The following SYT16 variants were observed in gnomAD, a reference collection of about 807,000 sequenced individuals.
SYT16 encodes synaptotagmin-16.
In SYT16, 42 loss-of-function variants were observed where a neutral mutation model predicts 61.4. The observed-to-expected ratio is 0.68, with a 90% CI of 0.53 to 0.89. The LOEUF is 0.89. Among genes scored for constraint, SYT16 ranks in the 40% least tolerant of loss-of-function variants. The pLI is 0.00. For synonymous variants in SYT16, 314 were observed against 302.3 expected (o/e 1.04, Z -0.40); for missense variants, 804 against 807.3 (o/e 1.00, Z 0.05).
At chr14:62,078,272 G>A (rs1391657231) in intron 5 of SYT16, among the ~76,000 whole-genome samples, 1 of 151,830 alleles carries the variant, frequency 6.6e-6, no homozygotes, top group Non-Finnish European at 1.5e-5. Context: ...TCAAAATAAG[G>A]TTTGAAATTT....
intron 5 of SYT16, among the ~76,000 whole-genome samples, chr14:62,078,639 A>G (rs2056599388): frequency 6.6e-6 from 1 of 152,190 alleles, no homozygotes; most frequent in Non-Finnish European, 1.5e-5. Flanking sequence ...ACACAGTTGA[A>G]TTGGCCACCA....
chr14:62,021,553 G>C (rs971330042), intron 3 of SYT16, among the ~76,000 whole-genome samples: 1 of 151,964 alleles, frequency 6.6e-6, no homozygotes, highest in African/African-American at 2.4e-5. Flanking sequence ...AAGCCAACAG[G>C]ATTTTCTGTC....
At chr14:62,016,139 A>C (rs1391727427) in intron 3 of SYT16, among the ~76,000 whole-genome samples, 1 of 152,178 alleles carries the variant, frequency 6.6e-6, no homozygotes, top group Non-Finnish European at 1.5e-5. Context: ...AGCATGCTCC[A>C]GGAACAAAAG....
chr14:61,981,308 A>G (rs1009280120), intron 2 of SYT16, among the ~76,000 whole-genome samples: 1 of 152,192 alleles, frequency 6.6e-6, no homozygotes, highest in African/African-American at 2.4e-5. Flanking sequence ...TCTGGGCACC[A>G]TGGCTTAGCC....
intron 3 of SYT16, among the ~76,000 whole-genome samples, chr14:62,011,774 T>C (rs1344663633): frequency 1.3e-5 from 2 of 151,684 alleles, no homozygotes; most frequent in Non-Finnish European, 2.9e-5. Flanking sequence ...CCTAGATTTG[T>C]TGTGTCACCA....
intron 1 of SYT16, among the ~76,000 whole-genome samples, chr14:61,898,527 G>A (rs1365729892): frequency 6.6e-6 from 1 of 152,196 alleles, no homozygotes; most frequent in Admixed American, 6.5e-5. Context: ...AAATCCCGGG[G>A]CCATGATAGT....
intron 2 of SYT16, among the ~76,000 whole-genome samples, chr14:61,982,098 T>G (rs564388952): frequency 6.6e-6 from 1 of 152,314 alleles, no homozygotes; most frequent in Non-Finnish European, 1.5e-5. Context: ...GCTCTGAGTC[T>G]TATTTTTAGT....
chr14:62,014,286 C>T (rs1376725269), intron 3 of SYT16, among the ~76,000 whole-genome samples: 1 of 152,122 alleles, frequency 6.6e-6, no homozygotes, highest in East Asian at 1.9e-4. Context: ...ATCCTGTTAT[C>T]AAAGTAAGAT....
chr14:62,086,591 A>G (rs1226738766), intron 7 of SYT16, among the ~76,000 whole-genome samples: 2 of 152,248 alleles, frequency 1.3e-5, no homozygotes, highest in African/African-American at 4.8e-5. Flanking sequence ...TGTATACTTT[A>G]TAAGTTTGCA....
chr14:62,026,933 G>A (rs1241191521), intron 3 of SYT16, among the ~76,000 whole-genome samples: 1 of 151,904 alleles, frequency 6.6e-6, no homozygotes, highest in African/African-American at 2.4e-5. Context: ...TTTTTTGCCT[G>A]CTTGATCTTT....
At chr14:61,821,736 T>C (rs941801861) in intron 1 of SYT16, among the ~76,000 whole-genome samples, 6 of 152,216 alleles carry the variant, frequency 3.9e-5, no homozygotes, top group Non-Finnish European at 4.4e-5. Context: ...TAGCAAGTCA[T>C]AGGTTCCTTC....
intron 1 of SYT16, among the ~76,000 whole-genome samples, chr14:61,960,546 A>G (rs189034430): frequency 2.0e-5 from 3 of 152,266 alleles, no homozygotes; most frequent in African/African-American, 7.2e-5. Flanking sequence ...TCATACATTT[A>G]TTTTGTATCC....
At chr14:61,879,860 A>C (rs968225921) in intron 1 of SYT16, among the ~76,000 whole-genome samples, 2 of 152,152 alleles carry the variant, frequency 1.3e-5, no homozygotes, top group East Asian at 3.9e-4. Context: ...CCTGCCATCT[A>C]TCCTTTGGAT....
At position 62,084,908 on chromosome 14, in the gene SYT16, A is replaced by C. The variant is rs528957469; in HGVS notation, c.1624+523A>C. Among the ~76,000 whole-genome samples the C allele has an allele frequency of 2.0e-5, 3 of 152,356 alleles. No individual in the cohort carries two copies. The East Asian group carries it at 5.8e-4, about 29-fold the overall frequency. ...GAGTTTAAATGAAATGATTTATTTA[A>C]AGCATTTAGTACCATGCCTATCACA... On this transcript the variant is annotated intron_variant, in intron 7 of 7. Transcript: ENST00000683842.
intron 3 of SYT16, among the ~76,000 whole-genome samples, chr14:62,019,257 G>T (rs540227840): frequency 1.3e-5 from 2 of 152,146 alleles, no homozygotes; most frequent in East Asian, 1.9e-4. Flanking sequence ...ATTAGAATGC[G>T]CCTTTCTCTT....
intron 1 of SYT16, among the ~76,000 whole-genome samples, chr14:61,927,572 G>A (rs752606584): frequency 6.6e-6 from 1 of 152,130 alleles, no homozygotes; most frequent in Non-Finnish European, 1.5e-5. Flanking sequence ...AACTAATAAT[G>A]CCATTGAACA....
rs1035688422 is a variant in SYT16, at chr14:62,110,336, G to C, written c.*9629G>C. ...TTTTACCAGGTGGTTGTAGGAACAG[G>C]ATTCATTCATTCCTTCATTAATATA... On this transcript the variant is annotated 3_prime_UTR_variant, in exon 8 of 8. Coordinates refer to ENST00000683842, the MANE Select transcript of SYT16 (RefSeq NM_001367656.1). 2 of 152,050 alleles carry C rather than the reference G, an allele frequency of 1.3e-5. No homozygotes were observed. Among genetic ancestry groups the C allele is most frequent in the African/African-American group, 4.8e-5 (2 of 41,422 alleles). 9.4% of individuals were successfully genotyped at this position (152,050 alleles called of 1,614,324 possible). A position where few individuals can be genotyped will look rare whatever the true frequency, so the allele number is the denominator to read the frequency against.
At chr14:61,869,156 C>T (rs921466197) in intron 1 of SYT16, among the ~76,000 whole-genome samples, 14 of 151,860 alleles carry the variant, frequency 9.2e-5, no homozygotes, top group Non-Finnish European at 4.4e-5. Context: ...TGTAATAATT[C>T]TGTCTTTTTA....
rs188760511 is a variant in SYT16, at chr14:61,959,784, T to G, written c.-324-10348T>G. Among the ~76,000 whole-genome samples, 7 of 152,270 alleles carry G rather than the reference T, an allele frequency of 4.6e-5. No individual in the cohort carries two copies. The East Asian group carries it at 1.2e-3, about 25-fold the overall frequency. On this transcript the variant is annotated intron_variant, in intron 1 of 7. Coordinates refer to ENST00000683842, the MANE Select transcript of SYT16 (RefSeq NM_001367656.1). The stretch of plus-strand genomic sequence containing the variant: ...TTCATTTCCACTTGAAGAATTCCCT[T>G]GAGTACTTCTTGTAAGGCAGGTCTA...
Sources: gnomAD v4.1 joint callset for allele counts (sites outside exome capture counted in the v4.1 genomes callset) on GRCh38, gnomAD v4.1.1 for gene constraint, MANE v1.5 for transcripts, NCBI Gene and HGNC (gene_info 2026-07-23, HGNC 2026-07-21) for gene names.